The following KCNG2 variants were observed in gnomAD, a reference collection of about 807,000 sequenced individuals.
KCNG2 encodes the protein potassium voltage-gated channel modifier subfamily G member 2.
KCNG2 carries 7 observed loss-of-function variants against 12.3 expected under a neutral mutation model. That is an observed-to-expected ratio of 0.57 (90% CI 0.32 to 1.07). The LOEUF (loss-of-function observed/expected upper bound fraction) is 1.07. KCNG2 is among the 50% of genes least tolerant of loss of function. KCNG2 has a pLI of 0.04. For missense variants in KCNG2, 703 were observed against 726.0 expected, an observed-to-expected ratio of 0.97 and a Z score of 0.36; for synonymous variants, 414 against 351.4, an observed-to-expected ratio of 1.18 and a Z score of -1.99.
At chr18:79,832,912 G>A (rs145152398) in intron 1 of KCNG2, among the ~76,000 whole-genome samples, 188 of 152,282 alleles carry the variant, frequency 1.2e-3, no homozygotes, top group East Asian at 8.5e-3. Flanking sequence ...GGTGAGCCTT[G>A]GAGTATAAAC....
At chr18:79,872,552 T>C (rs1486737968) in intron 3 of KCNG2, among the ~76,000 whole-genome samples, 1 of 152,196 alleles carries the variant, frequency 6.6e-6, no homozygotes, top group Admixed American at 6.5e-5. Flanking sequence ...CCCAAAGTGC[T>C]GGGATTACAG....
intron 3 of KCNG2, among the ~76,000 whole-genome samples, chr18:79,864,962 C>T (rs1250970929): frequency 1.1e-5 from 1 of 90,070 alleles, no homozygotes; most frequent in Admixed American, 1.3e-4. Flanking sequence ...GTTCTGTGTG[C>T]GGAAGTCTGG....
At chr18:79,820,821 G>T (rs1348278704) in intron 1 of KCNG2, among the ~76,000 whole-genome samples, 1 of 151,962 alleles carries the variant, frequency 6.6e-6, no homozygotes, top group Non-Finnish European at 1.5e-5. Flanking sequence ...GCTAATTTTT[G>T]TATTTTTTGT....
chr18:79,859,811 C>T (rs1452945494), intron 2 of KCNG2, among the ~76,000 whole-genome samples: 1 of 152,184 alleles, frequency 6.6e-6, no homozygotes, highest in Non-Finnish European at 1.5e-5. Context: ...ACTTTCAATT[C>T]TGCTCCATTG....
intron 1 of KCNG2, among the ~76,000 whole-genome samples, chr18:79,824,095 C>A (rs1270123623): frequency 1.3e-5 from 2 of 152,230 alleles, no homozygotes; most frequent in Admixed American, 1.3e-4. Flanking sequence ...CTCCGCCCCC[C>A]AGGCTCAGAT....
chr18:79,899,792 G>T lies in KCNG2; in HGVS notation c.1377G>T (p.Ala459=). ...SAGLADDSAD[A]LWVRAGR Reference sequence around the variant, plus strand: ...GCCTGGCCGACGACTCCGCGGATGCGCTGTGGGTGCGGGCAGGGCGCTGAC... The same window carrying T: ...GCCTGGCCGACGACTCCGCGGATGCTCTGTGGGTGCGGGCAGGGCGCTGAC... The change falls in exon 4 of 4, where the codon GCG becomes GCT. Residue 459 remains alanine, a synonymous_variant. Coordinates refer to ENST00000316249, the MANE Select transcript of KCNG2 (RefSeq NM_012283.2). 6.9e-7 allele frequency: 1 copy of T among 1,439,068 alleles called. No homozygotes were observed. The highest frequency in any genetic ancestry group is 9.1e-7 in the Non-Finnish European group (1 of 1,104,798). The allele number at this position is 1,439,068 out of a possible 1,614,324, so 89.1% of individuals were successfully genotyped here.
intron 1 of KCNG2, among the ~76,000 whole-genome samples, chr18:79,815,331 T>A (rs963923085): frequency 6.6e-6 from 1 of 151,636 alleles, no homozygotes; most frequent in Non-Finnish European, 1.5e-5. Context: ...GTCCAGTTAC[T>A]TGGGAGGCTG....
chr18:79,868,447 G>A (rs538965785), intron 3 of KCNG2, among the ~76,000 whole-genome samples: 12 of 152,314 alleles, frequency 7.9e-5, no homozygotes, highest in East Asian at 5.8e-4. Context: ...CTGGTGACCC[G>A]TGTCCGAGCG....
chr18:79,827,333 C>T (rs1036740525), intron 1 of KCNG2, among the ~76,000 whole-genome samples: 10 of 152,198 alleles, frequency 6.6e-5, no homozygotes, highest in Non-Finnish European at 1.5e-4. Flanking sequence ...TTTCGTTTTC[C>T]CTGGCGGTGT....
At chr18:79,841,311 T>A (rs558485218) in intron 1 of KCNG2, among the ~76,000 whole-genome samples, 82 of 151,878 alleles carry the variant, frequency 5.4e-4, no homozygotes, top group Admixed American at 6.6e-4. Flanking sequence ...AATAAATAAA[T>A]AAATAATAAC....
intron 1 of KCNG2, among the ~76,000 whole-genome samples, chr18:79,850,015 C>T (rs943251483): frequency 5.9e-5 from 9 of 152,184 alleles, no homozygotes; most frequent in African/African-American, 2.2e-4. Context: ...CTGACAGGGC[C>T]GTGTGAAAAC....
At chr18:79,823,926 G>C (rs1214197619) in intron 1 of KCNG2, among the ~76,000 whole-genome samples, 1 of 152,112 alleles carries the variant, frequency 6.6e-6, no homozygotes, top group African/African-American at 2.4e-5. Flanking sequence ...ATTTGTTCTT[G>C]TAAAAACAGT....
At chr18:79,835,697 G>A (rs1336638505) in intron 1 of KCNG2, among the ~76,000 whole-genome samples, 1 of 152,194 alleles carries the variant, frequency 6.6e-6, no homozygotes, top group African/African-American at 2.4e-5. Context: ...TCGATGGTGG[G>A]AGTAAAGATT....
At chr18:79,882,421 A>G (rs565245110) in intron 3 of KCNG2, among the ~76,000 whole-genome samples, 1 of 152,370 alleles carries the variant, frequency 6.6e-6, no homozygotes, top group South Asian at 2.1e-4. Flanking sequence ...ACTGGGAGAA[A>G]ATATTTGTAA....
At chr18:79,856,133 G>C (rs1055297603) in intron 1 of KCNG2, among the ~76,000 whole-genome samples, 1 of 152,298 alleles carries the variant, frequency 6.6e-6, no homozygotes, top group Admixed American at 6.5e-5. Context: ...GAGGAAGAAA[G>C]CCTTTTACAG....
intron 1 of KCNG2, among the ~76,000 whole-genome samples, chr18:79,853,010 G>A (rs941274135): frequency 1.3e-5 from 2 of 152,240 alleles, no homozygotes; most frequent in African/African-American, 2.4e-5. Flanking sequence ...ACGGCACCGC[G>A]TGGATGCCCC....
chr18:79,838,681 G>A (rs1568251977), intron 1 of KCNG2, among the ~76,000 whole-genome samples: 1 of 152,200 alleles, frequency 6.6e-6, no homozygotes, highest in Non-Finnish European at 1.5e-5. Context: ...AAAGTGTTGG[G>A]ATTACAGGCA....
At chr18:79,814,298 C>G (rs891439410) in intron 1 of KCNG2, among the ~76,000 whole-genome samples, 1 of 152,166 alleles carries the variant, frequency 6.6e-6, no homozygotes. Context: ...AACCTAGACA[C>G]AAATTTTCAT....
chr18:79,811,793 G>A (rs927245723), intron 1 of KCNG2, among the ~76,000 whole-genome samples: 1 of 152,136 alleles, frequency 6.6e-6, no homozygotes, highest in Non-Finnish European at 1.5e-5. Context: ...AGAAAAAGAT[G>A]AAATCACGTA....
Sources: gnomAD v4.1 joint callset for allele counts (sites outside exome capture counted in the v4.1 genomes callset) on GRCh38, gnomAD v4.1.1 for gene constraint, MANE v1.5 for transcripts, NCBI Gene and HGNC (gene_info 2026-07-23, HGNC 2026-07-21) for gene names.